Variants in DNAJC13 observed in about 807,000 individuals in gnomAD.
DNAJC13 encodes the protein DnaJ heat shock protein family (Hsp40) member C13.
A neutral mutation model predicts 290.5 loss-of-function variants in DNAJC13; 75 were observed. That is an observed-to-expected ratio of 0.26 (90% confidence interval 0.21 to 0.31). The LOEUF (loss-of-function observed/expected upper bound fraction) is 0.31, where lower values mean the gene tolerates loss of function less well. Among genes scored for constraint, DNAJC13 ranks in the 10% least tolerant of loss-of-function variants. The pLI is 1.00. For missense variants in DNAJC13, 2,260 were observed against 2,674.5 expected, an observed-to-expected ratio of 0.85 and a Z score of 3.42; for synonymous variants, 862 against 892.0, an observed-to-expected ratio of 0.97 and a Z score of 0.60.
Position 132,528,249 on chromosome 3 carries a change from A to T in DNAJC13, c.6442A>T (p.Asn2148Tyr). Reference protein sequence around the residue: ...LKLLEGIGLENLDSPAATKAQ... With the variant: ...LKLLEGIGLEYLDSPAATKAQ... ...ATTACTCGAAGGCATTGGCCTTGAA[A>T]ACCTGGACAGCCCAGCAGCCACTAA... The change falls in exon 54 of 56, where the codon AAC becomes TAC. Residue 2148 changes from asparagine to tyrosine, a missense_variant. By Grantham distance (143) the Asn-to-Tyr change is moderately radical (BLOSUM62 -2). Transcript: ENST00000260818. 6.2e-7 allele frequency: 1 copy of T among 1,614,196 alleles called. No individual in the cohort carries two copies. Among genetic ancestry groups the T allele is most frequent in the Non-Finnish European group, 8.5e-7 (1 of 1,180,024 alleles).
At chr3:132,425,735 A>G (rs1024635062) in intron 1 of DNAJC13, among the ~76,000 whole-genome samples, 1 of 152,126 alleles carries the variant, frequency 6.6e-6, no homozygotes, top group Non-Finnish European at 1.5e-5. Flanking sequence ...ATTAATGCCA[A>G]TCCTTCTTTC....
rs559648411 is a variant in DNAJC13 at position 132,460,123 on chromosome 3, C to T, written c.1450-127C>T. On this transcript the variant is annotated intron_variant, in intron 13 of 55. Coordinates refer to ENST00000260818, the MANE Select transcript of DNAJC13 (RefSeq NM_015268.4). Reference sequence around the variant, plus strand: ...TATCACGAGTTTCCTTTTTGCCTTACACTTTAAAGGCAATGGTTTTTAATT... The same window carrying T: ...TATCACGAGTTTCCTTTTTGCCTTATACTTTAAAGGCAATGGTTTTTAATT... 3.8e-4 allele frequency: 197 copies of T among 518,646 alleles called. No homozygotes were observed. The Admixed American group carries it at 6.8e-3, about 18-fold the overall frequency. The allele number at this position is 518,646 out of a possible 1,614,324, so 32.1% of individuals were successfully genotyped here. A position where few individuals can be genotyped will look rare whatever the true frequency, so the allele number is the denominator to read the frequency against.
At chr3:132,465,225 A>G (rs768303956) in intron 17 of DNAJC13, among the ~76,000 whole-genome samples, 13 of 152,250 alleles carry the variant, frequency 8.5e-5, no homozygotes, top group Admixed American at 2.0e-4. Flanking sequence ...TATATAAAAC[A>G]TATGTTTGTG....
chr3:132,454,302 C>T, intron 9 of DNAJC13, 145 bp downstream of exon 9: 1 of 601,184 alleles, frequency 1.7e-6, no homozygotes, highest in Non-Finnish European at 2.8e-6. Context: ...TAAAATGACC[C>T]TCCCATTTTC....
At chr3:132,441,531 T>C (rs556156194) in intron 2 of DNAJC13, among the ~76,000 whole-genome samples, 5 of 152,318 alleles carry the variant, frequency 3.3e-5, no homozygotes, top group African/African-American at 9.6e-5. Context: ...ACTGAAGGGA[T>C]TGAGGATCTT....
In DNAJC13 at chr3:132,503,381, G is replaced by A. The variant is rs903167974; in HGVS notation, c.4884G>A (p.Glu1628=). ...ARKLAVASVT[E]ILKMLNSNTE... ...AACTTGCTGTGGCTAGTGTGACTGAGGTATGTGCTTCACAGGTAGCCTGGG... is the reference window on the plus strand; with the variant it reads ...AACTTGCTGTGGCTAGTGTGACTGAAGTATGTGCTTCACAGGTAGCCTGGG... Residue 1628 remains glutamate (E), a splice_region_variant and synonymous_variant, in exon 41 of 56, where the codon GAG becomes GAA. Transcript: ENST00000260818. The A allele has an allele frequency of 3.1e-6, 5 of 1,613,882 alleles. No individual in the cohort carries two copies. The highest frequency in any genetic ancestry group is 4.2e-6 in the Non-Finnish European group (5 of 1,179,852).
intron 51 of DNAJC13, chr3:132,523,982 G>A: frequency 3.2e-6 from 1 of 315,864 alleles, no homozygotes; most frequent in Non-Finnish European, 5.7e-6. Flanking sequence ...CTGAAAAGAA[G>A]GTTTTTACTG....
intron 1 of DNAJC13, among the ~76,000 whole-genome samples, chr3:132,432,040 T>A (rs555195432): frequency 1.6e-4 from 25 of 152,060 alleles, no homozygotes; most frequent in Non-Finnish European, 2.5e-4. Context: ...GTTATAAAAA[T>A]TTTTTTTCTG....
Position 132,513,833 on chromosome 3 carries a change from C to G in DNAJC13, c.5385+734C>G, listed in dbSNP as rs570131936. ...TCCCAGGATTATTTCTGAGATCTTG[C>G]TCTTTGTGACACACAGTTTATTGCA... On this transcript the variant is annotated intron_variant, in intron 45 of 55. Transcript: ENST00000260818. 2.0e-5 allele frequency among the ~76,000 whole-genome samples: 3 copies of G among 152,202 alleles called. No homozygotes were observed. In the South Asian group the frequency reaches 6.2e-4, roughly 32 times the overall value.
chr3:132,446,474 G>T lies in DNAJC13; in HGVS notation c.69-1G>T. ...ATTTAAGCACTTGTTTTCCTTTGTA[G>T]GTATAAGCGTGTCTTTTCAGTTGGA... On this transcript the variant is annotated splice_acceptor_variant, in intron 2 of 55. Transcript: ENST00000260818. LOFTEE classifies it high-confidence loss of function. The T allele has an allele frequency of 1.3e-6, 2 of 1,595,718 alleles. No homozygotes were observed. Among genetic ancestry groups the T allele is most frequent in the East Asian group, 2.3e-5 (1 of 44,154 alleles).
rs758575852 is a variant in DNAJC13 at position 132,505,831 on chromosome 3, A to G, written c.4998+416A>G. ...CAGTAGGATGGGCAATAAGGAGAAG[A>G]CCTGGATAATCCATACACTAGATGG... On this transcript the variant is annotated intron_variant, in intron 42 of 55. Coordinates refer to ENST00000260818, the MANE Select transcript of DNAJC13 (RefSeq NM_015268.4). Among the ~76,000 whole-genome samples, 31 of 152,234 alleles carry G rather than the reference A, an allele frequency of 2.0e-4. 1 individual carries two copies. In the Middle Eastern group the frequency reaches 0.017, roughly 84 times the overall value.
intron 42 of DNAJC13, among the ~76,000 whole-genome samples, chr3:132,506,708 C>T (rs879842472): frequency 6.6e-6 from 1 of 151,762 alleles, no homozygotes; most frequent in East Asian, 1.9e-4. Context: ...TGTATCACCA[C>T]GCCCAGCCAC....
chr3:132,447,113 A>C (rs1933271263), intron 3 of DNAJC13, among the ~76,000 whole-genome samples: 1 of 152,110 alleles, frequency 6.6e-6, no homozygotes, highest in Non-Finnish European at 1.5e-5. Flanking sequence ...GATTAATGTC[A>C]TCATTAAAAT....
intron 54 of DNAJC13, among the ~76,000 whole-genome samples, chr3:132,529,344 T>G (rs1936346764): frequency 6.6e-6 from 1 of 152,232 alleles, no homozygotes; most frequent in South Asian, 2.1e-4. Flanking sequence ...TGATGGACAT[T>G]TGGGTTATTT....
chr3:132,434,399 C>A (rs78423188), intron 1 of DNAJC13, 139 bp from the exon 2 acceptor site: 6,354 of 374,708 alleles, frequency 0.017, 88 homozygotes, highest in Non-Finnish European at 0.023. Context: ...AAAAAAAAAA[C>A]AAAACCTTAT....
At chr3:132,430,394 G>T (rs1939209513) in intron 1 of DNAJC13, among the ~76,000 whole-genome samples, 1 of 151,550 alleles carries the variant, frequency 6.6e-6, no homozygotes, top group African/African-American at 2.4e-5. Flanking sequence ...CCCCCCTATG[G>T]GTTTATTAGG....
chr3:132,464,552 TTTTC>T (rs1933913425), intron 17 of DNAJC13, among the ~76,000 whole-genome samples: 1 of 152,312 alleles, frequency 6.6e-6, no homozygotes, highest in Non-Finnish European at 1.5e-5. Flanking sequence ...ATACTGTACA[TTTTC>T]TTTGTCATCT....
At position 132,538,500 on chromosome 3, in the gene DNAJC13, AT is replaced by A. The variant is rs1468825728; in HGVS notation, c.*228del. On this transcript the variant is annotated 3_prime_UTR_variant, in exon 56 of 56. Transcript: ENST00000260818. Reference sequence around the variant, plus strand: ...GATCAACATAAGTGGGTACACAAGAATTTTTTTTTTCTTGGTGTATGTAAGC... The same window carrying A: ...GATCAACATAAGTGGGTACACAAGAATTTTTTTTTCTTGGTGTATGTAAGC... The A allele has an allele frequency of 8.8e-4, 342 of 387,872 alleles. No individual in the cohort carries two copies. The highest frequency in any genetic ancestry group is 2.0e-3 in the Middle Eastern group (3 of 1,470). The allele number at this position is 387,872 out of a possible 1,614,324, so 24.0% of individuals were successfully genotyped here. A position where few individuals can be genotyped will look rare whatever the true frequency, so the allele number is the denominator to read the frequency against.
chr3:132,429,696 G>A (rs1187090761), intron 1 of DNAJC13, among the ~76,000 whole-genome samples: 5 of 152,116 alleles, frequency 3.3e-5, no homozygotes, highest in African/African-American at 1.2e-4. Flanking sequence ...TTGAGGTTAG[G>A]CAGATGGTAA....
Sources: allele counts gnomAD v4.1 joint callset (sites outside exome capture counted in the v4.1 genomes callset), GRCh38; gene constraint gnomAD v4.1.1; transcripts MANE v1.5; gene names NCBI Gene and HGNC (gene_info 2026-07-23, HGNC 2026-07-21).